The following NFE2L3 variants were observed in gnomAD, a reference collection of about 807,000 sequenced individuals.
NFE2L3 encodes the protein nuclear factor erythroid 2-related factor 3.
A neutral mutation model predicts 23.5 loss-of-function variants in NFE2L3; 18 were observed. That is an observed-to-expected ratio of 0.77 (90% CI 0.53 to 1.13). The LOEUF (loss-of-function observed/expected upper bound fraction) is 1.13. Among genes scored for constraint, NFE2L3 ranks in the 50% most tolerant of loss-of-function variants. The pLI is 0.00. For synonymous variants in NFE2L3, 424 were observed against 354.5 expected, an observed-to-expected ratio of 1.20 and a Z score of -2.20; for missense variants, 1,152 against 877.2, an observed-to-expected ratio of 1.31 and a Z score of -3.96.
chr7:26,172,853 A>G (rs958188382), intron 1 of NFE2L3, among the ~76,000 whole-genome samples: 1 of 152,112 alleles, frequency 6.6e-6, no homozygotes, highest in Non-Finnish European at 1.5e-5. Flanking sequence ...CTGTAGTGTT[A>G]TTATTTTTCT....
chr7:26,179,697 CCCTGTCT>C (rs1269382860), intron 2 of NFE2L3, among the ~76,000 whole-genome samples: 1 of 151,964 alleles, frequency 6.6e-6, no homozygotes, highest in Non-Finnish European at 1.5e-5. Context: ...CAGAGCAGGA[CCCTGTCT>C]CAAAAAAGAA....
intron 2 of NFE2L3, among the ~76,000 whole-genome samples, chr7:26,180,915 C>CTCCA (rs1784495141): frequency 6.6e-6 from 1 of 152,132 alleles, no homozygotes; most frequent in African/African-American, 2.4e-5. Context: ...ATTGTGTTAT[C>CTCCA]TCCATGTTCC....
intron 2 of NFE2L3, among the ~76,000 whole-genome samples, chr7:26,181,758 A>G (rs567500626): frequency 6.6e-6 from 1 of 152,280 alleles, no homozygotes; most frequent in South Asian, 2.1e-4. Flanking sequence ...AGAATCTATA[A>G]GGCAAGAACA....
intron 1 of NFE2L3, among the ~76,000 whole-genome samples, chr7:26,158,195 C>T (rs892383205): frequency 6.6e-6 from 1 of 152,072 alleles, no homozygotes; most frequent in African/African-American, 2.4e-5. Flanking sequence ...ATTACAGGCG[C>T]CTGCCACCAC....
chr7:26,152,484 G>A lies in NFE2L3; in HGVS notation c.-15G>A, dbSNP rs1784011283. 7.7e-7 allele frequency: 1 copy of A among 1,298,378 alleles called. No individual in the cohort carries two copies. Among genetic ancestry groups the A allele is most frequent in the Non-Finnish European group, 9.8e-7 (1 of 1,025,060 alleles). The allele number at this position is 1,298,378 out of a possible 1,614,324, so 80.4% of individuals were successfully genotyped here. ...CGCGGGCGCCGGCAGGGGCGTTCCC[G>A]GGCGCGCGGCGGCGATGAAGCACCT... On this transcript the variant is annotated 5_prime_UTR_variant, in exon 1 of 4. Coordinates refer to ENST00000056233, the MANE Select transcript of NFE2L3 (RefSeq NM_004289.7). The surrounding 1 kb of genome is among the most constrained non-coding windows in gnomAD (Gnocchi z 4.4).
chr7:26,185,473 CGCA>C lies in NFE2L3; in HGVS notation c.1777_1779del (p.Gln593del). 1 of 1,613,934 alleles carries C rather than the reference CGCA, an allele frequency of 6.2e-7. No homozygotes were observed. Among genetic ancestry groups the C allele is most frequent in the South Asian group, 1.1e-5 (1 of 91,074 alleles). ...CGAAGAGGGAAAAATAAAGTTGCTG[CGCA>C]GAACTGTCGTAAACGCAAATTGGAC... On this transcript the variant is annotated inframe_deletion, in exon 4 of 4. Coordinates refer to ENST00000056233, the MANE Select transcript of NFE2L3 (RefSeq NM_004289.7).
At chr7:26,159,886 C>T (rs759347961) in intron 1 of NFE2L3, among the ~76,000 whole-genome samples, 6 of 150,040 alleles carry the variant, frequency 4.0e-5, no homozygotes, top group Non-Finnish European at 7.4e-5. Flanking sequence ...AAGGTAAAAA[C>T]AAAAGTCTGT....
At position 26,152,835 on chromosome 7, in the gene NFE2L3, G is replaced by C. The variant is rs1238901832; in HGVS notation, c.337G>C (p.Val113Leu). 1.0e-5 allele frequency: 15 copies of C among 1,478,518 alleles called. No individual in the cohort carries two copies. The highest frequency in any genetic ancestry group is 1.3e-5 in the Non-Finnish European group (15 of 1,122,538). 91.6% of individuals were successfully genotyped at this position (1,478,518 alleles called of 1,614,324 possible). A position where few individuals can be genotyped will look rare whatever the true frequency, so the allele number is the denominator to read the frequency against. ...VPRTSVDAWLVHSVAAGSADE... is the reference protein window; with the variant it reads ...VPRTSVDAWLLHSVAAGSADE... ...TCGCACCAGCGTGGATGCATGGCTG[G>C]TGCACAGCGTGGCTGCCGGGAGCGC... Residue 113 changes from valine (V) to leucine (L), a missense_variant, in exon 1 of 4, where the codon GTG (valine) becomes CTG (leucine). Val to Leu is a conservative substitution (Grantham distance 32). Coordinates refer to ENST00000056233, the MANE Select transcript of NFE2L3 (RefSeq NM_004289.7). The surrounding 1 kb of genome is among the most constrained non-coding windows in gnomAD (Gnocchi z 4.4).
chr7:26,185,293 A>G lies in NFE2L3; in HGVS notation c.1595A>G (p.Asp532Gly). The change falls in exon 4 of 4, where the codon GAT becomes GGT. Residue 532 changes from aspartate (D) to glycine (G), a missense_variant. Transcript: ENST00000056233. ...AGGAGTAGATACCTTGAAGACACAG[A>G]TAGAAACTTGAGCCGTGATGAACAG... ...KIRSRYLEDT[D>G]RNLSRDEQRA... The G allele has an allele frequency of 6.2e-7, 1 of 1,614,078 alleles. No individual in the cohort carries two copies. The highest frequency in any genetic ancestry group is 8.5e-7 in the Non-Finnish European group (1 of 1,179,958).
intron 1 of NFE2L3, among the ~76,000 whole-genome samples, chr7:26,155,958 T>G (rs1282646243): frequency 6.6e-6 from 1 of 152,208 alleles, no homozygotes. Flanking sequence ...TGCGCTCTTC[T>G]GCCCTCCGTC....
At chr7:26,183,670 TGAAAG>T in intron 2 of NFE2L3, 26 bp from the exon 3 acceptor site, 1 of 1,399,164 alleles carries the variant, frequency 7.1e-7, no homozygotes. Flanking sequence ...GTCTTTTATG[TGAAAG>T]ATGCACTTTT....
chr7:26,162,125 A>G (rs1480394481), intron 1 of NFE2L3, among the ~76,000 whole-genome samples: 1 of 150,870 alleles, frequency 6.6e-6, no homozygotes. Flanking sequence ...CCTGGGTGAC[A>G]GAGCTGGACT....
chr7:26,175,398 TCA>T (rs890794535), intron 1 of NFE2L3, among the ~76,000 whole-genome samples: 111 of 152,100 alleles, frequency 7.3e-4, no homozygotes, highest in African/African-American at 2.4e-3. Flanking sequence ...TGTAAAATAT[TCA>T]CAGTTATAGA....
chr7:26,156,943 T>C (rs1458236379), intron 1 of NFE2L3, among the ~76,000 whole-genome samples: 1 of 152,022 alleles, frequency 6.6e-6, no homozygotes, highest in Non-Finnish European at 1.5e-5. Context: ...AAACCCCGTC[T>C]CTACTAAAAA....
intron 2 of NFE2L3, 68 bp from the exon 3 acceptor site, chr7:26,183,627 TTAAAGA>T (rs1782388863): frequency 1.1e-6 from 1 of 885,000 alleles, no homozygotes; most frequent in Non-Finnish European, 1.9e-6. Flanking sequence ...TGGTGATCCT[TTAAAGA>T]TAAAGCCTAA....
intron 3 of NFE2L3, 107 bp downstream of exon 3, chr7:26,183,891 C>CTT (rs1782400879): frequency 1.4e-6 from 1 of 731,064 alleles, no homozygotes; most frequent in Admixed American, 2.3e-5. Flanking sequence ...TAAAGTAATG[C>CTT]TTATTTTTAC....
chr7:26,166,726 GTC>G (rs1426309728), intron 1 of NFE2L3, among the ~76,000 whole-genome samples: 1 of 152,232 alleles, frequency 6.6e-6, no homozygotes, highest in Non-Finnish European at 1.5e-5. Context: ...ACAGGACACA[GTC>G]TCTCTTTATC....
At chr7:26,159,608 T>A (rs1396307608) in intron 1 of NFE2L3, among the ~76,000 whole-genome samples, 1 of 152,178 alleles carries the variant, frequency 6.6e-6, no homozygotes, top group East Asian at 1.9e-4. Context: ...GGTGTGAAGG[T>A]GTCTTGGGTC....
rs1782501749 is a variant in NFE2L3 at position 26,186,941 on chromosome 7, GAAC to G, written c.*1160_*1162del. On this transcript the variant is annotated 3_prime_UTR_variant, in exon 4 of 4. Coordinates refer to ENST00000056233, the MANE Select transcript of NFE2L3 (RefSeq NM_004289.7). ...CTCACCTAGATGACTCAAGTTTGGG[GAAC>G]ATCAAGATTTTGACGGGTACTATAA... is the stretch of plus-strand genomic sequence containing the variant. The G allele has an allele frequency of 6.6e-6, 1 of 152,170 alleles. No individual in the cohort carries two copies. The highest frequency in any genetic ancestry group is 6.5e-5 in the Admixed American group (1 of 15,274). 9.4% of individuals were successfully genotyped at this position (152,170 alleles called of 1,614,324 possible).
Sources: gnomAD v4.1 joint callset for allele counts (sites outside exome capture counted in the v4.1 genomes callset) on GRCh38, gnomAD v4.1.1 for gene constraint, Gnocchi (gnomAD v3.1) non-coding constraint, MANE v1.5 for transcripts, NCBI Gene and HGNC (gene_info 2026-07-23, HGNC 2026-07-21) for gene names.